Variants in CANT1 observed in about 807,000 individuals in gnomAD.
The protein encoded by CANT1 is soluble calcium-activated nucleotidase 1.
In CANT1, 26 loss-of-function variants were observed where a neutral mutation model predicts 30.0. The observed-to-expected ratio is 0.87, with a 90% CI of 0.64 to 1.20. The LOEUF (loss-of-function observed/expected upper bound fraction) is 1.20. Among genes scored for constraint, CANT1 ranks in the 50% most tolerant of loss-of-function variants. The pLI is 0.00. For missense variants in CANT1, 518 were observed against 563.0 expected, an observed-to-expected ratio of 0.92 and a Z score of 0.81; for synonymous variants, 246 against 251.8, an observed-to-expected ratio of 0.98 and a Z score of 0.22.
In CANT1 at chr17:78,996,847, G is replaced by T; in HGVS notation, c.631+145C>A. 1 of 1,156,574 alleles carries T rather than the reference G, an allele frequency of 8.6e-7. No individual in the cohort carries two copies. Among genetic ancestry groups the T allele is most frequent in the Non-Finnish European group, 1.3e-6 (1 of 777,830 alleles). The allele number at this position is 1,156,574 out of a possible 1,614,324, so 71.6% of individuals were successfully genotyped here. ...CTGGCTAAGGGTAAGGGGGCCGCAG[G>T]TCAGAGCAAGAGGGAGACGTGCTCC... is the stretch of plus-strand genomic sequence containing the variant. On this transcript the variant is annotated intron_variant, in intron 3 of 4. Transcript: ENST00000392446. This position sits in a 1 kb window ranked among gnomAD's most constrained non-coding sequence, Gnocchi z 5.1.
chr17:79,008,603 G>T lies in CANT1; in HGVS notation c.-147+1061C>A, dbSNP rs1253319962. ...ACACTAAGAGACGGCTTTTCCAGGG[G>T]TCACTAAGGGGGAAAGGTGTTTGGG... On this transcript the variant is annotated intron_variant, in intron 1 of 4. Coordinates refer to ENST00000392446, the MANE Select transcript of CANT1 (RefSeq NM_001159773.2). The surrounding 1 kb of genome is among the most constrained non-coding windows in gnomAD (Gnocchi z 4.4). Among the ~76,000 whole-genome samples the T allele has an allele frequency of 2.0e-5, 3 of 152,214 alleles. No homozygotes were observed. The highest frequency in any genetic ancestry group is 2.1e-4 in the South Asian group (1 of 4,834).
rs544902800 is a variant in CANT1 at position 78,993,611 on chromosome 17, C to T, written c.1145G>A (p.Arg382His). ...GATCTTGGTCTCCGGCAACAGGAAGCGCCCGTCCAGCGTGAAGGCCATGAT... is the reference window on the plus strand; with the variant it reads ...GATCTTGGTCTCCGGCAACAGGAAGTGCCCGTCCAGCGTGAAGGCCATGAT... ...SYIMAFTLDG[R>H]FLLPETKIGS... Residue 382 changes from arginine to histidine, a missense_variant, in exon 5 of 5, where the codon CGC becomes CAC. Around this residue, in one of 3 missense-constraint regions of CANT1, gnomAD observed 221 missense variants for 211.8 expected, o/e 1.04. Coordinates refer to ENST00000392446, the MANE Select transcript of CANT1 (RefSeq NM_001159773.2). The surrounding 1 kb of genome is among the most constrained non-coding windows in gnomAD (Gnocchi z 4.5). The T allele has an allele frequency of 6.2e-7, 1 of 1,614,270 alleles. No individual in the cohort carries two copies. The highest frequency in any genetic ancestry group is 8.5e-7 in the Non-Finnish European group (1 of 1,180,054).
rs569618546 is a variant in CANT1 at position 78,998,755 on chromosome 17, G to A, written c.-146-792C>T. ...AGTGGGGCGTGGGGAGACAGCTCCCGGTGCTTCGATCGAGAACACTGGCCC... is the reference window on the plus strand; with the variant it reads ...AGTGGGGCGTGGGGAGACAGCTCCCAGTGCTTCGATCGAGAACACTGGCCC... On this transcript the variant is annotated intron_variant, in intron 1 of 4. Coordinates refer to ENST00000392446, the MANE Select transcript of CANT1 (RefSeq NM_001159773.2). The surrounding 1 kb of genome is among the most constrained non-coding windows in gnomAD (Gnocchi z 4.5). Among the ~76,000 whole-genome samples the A allele has an allele frequency of 2.3e-4, 35 of 152,360 alleles. No homozygotes were observed. The South Asian group carries it at 3.5e-3, about 15-fold the overall frequency.
intron 1 of CANT1, among the ~76,000 whole-genome samples, chr17:78,999,632 C>T (rs964359772): frequency 7.3e-5 from 11 of 150,002 alleles, no homozygotes; most frequent in Middle Eastern, 3.5e-3. Context: ...TGTGCCACCA[C>T]GCACAGCGAA....
chr17:78,993,886 G>A lies in CANT1; in HGVS notation c.870C>T (p.Asp290=), dbSNP rs2145835088. 2.5e-6 allele frequency: 4 copies of A among 1,593,402 alleles called. No individual in the cohort carries two copies. ...GCAGGAAGAACCAGCGCTGCAGCGT[G>A]TCACTCCAGCAGGCAGACTCATGGA... is the stretch of plus-strand genomic sequence containing the variant. The part of the protein sequence containing the change: ...YLIHESACWS[D]TLQRWFFLPR... The change falls in exon 5 of 5, where the codon GAC becomes GAT. Residue 290 remains aspartate, a synonymous_variant. Coordinates refer to ENST00000392446, the MANE Select transcript of CANT1 (RefSeq NM_001159773.2). The surrounding 1 kb of genome is among the most constrained non-coding windows in gnomAD (Gnocchi z 4.5).
chr17:79,009,171 G>A (rs1042052679), intron 1 of CANT1, among the ~76,000 whole-genome samples: 2 of 151,642 alleles, frequency 1.3e-5, no homozygotes, highest in African/African-American at 2.4e-5. Flanking sequence ...TGAATCAGAG[G>A]GGGGTGGTCC....
chr17:79,009,172 G>C (rs907025662), intron 1 of CANT1, among the ~76,000 whole-genome samples: 1 of 151,636 alleles, frequency 6.6e-6, no homozygotes, highest in Non-Finnish European at 1.5e-5. Flanking sequence ...GAATCAGAGG[G>C]GGGTGGTCCC....
At chr17:79,003,470 C>T (rs1241943343) in intron 1 of CANT1, among the ~76,000 whole-genome samples, 1 of 151,280 alleles carries the variant, frequency 6.6e-6, no homozygotes, top group African/African-American at 2.4e-5. Flanking sequence ...TGGGGGGGCT[C>T]TTTTGTTTGT....
chr17:78,992,138 T>C lies in CANT1; in HGVS notation c.*1412A>G, dbSNP rs190318927. 6.5e-4 allele frequency: 151 copies of C among 231,616 alleles called. No individual in the cohort carries two copies. Among genetic ancestry groups the C allele is most frequent in the African/African-American group, 2.3e-3 (104 of 45,350 alleles). The allele number at this position is 231,616 out of a possible 1,614,324, so 14.3% of individuals were successfully genotyped here. A position where few individuals can be genotyped will look rare whatever the true frequency, so the allele number is the denominator to read the frequency against. On this transcript the variant is annotated 3_prime_UTR_variant, in exon 5 of 5. Coordinates refer to ENST00000392446, the MANE Select transcript of CANT1 (RefSeq NM_001159773.2). ...CGTTCACTTCCTTCGCTTCCTCCACTACCTATGACATAGCGGGGGAAAGAG... is the reference window on the plus strand; with the variant it reads ...CGTTCACTTCCTTCGCTTCCTCCACCACCTATGACATAGCGGGGGAAAGAG...
In CANT1 at chr17:78,995,006, G is replaced by C. The variant is rs900373558; in HGVS notation, c.835+12C>G. On this transcript the variant is annotated intron_variant, in intron 4 of 4. Coordinates refer to ENST00000392446, the MANE Select transcript of CANT1 (RefSeq NM_001159773.2). The surrounding 1 kb of genome is among the most constrained non-coding windows in gnomAD (Gnocchi z 5.7). ...GGAAGCCACACTGTGGGCTGGGGCA[G>C]GCGTCTCTTACCTGGCGGCTGGATG... The C allele has an allele frequency of 3.2e-6, 5 of 1,555,998 alleles. No individual in the cohort carries two copies. The highest frequency in any genetic ancestry group is 4.3e-6 in the Non-Finnish European group (5 of 1,151,600).
chr17:78,993,577 C>T lies in CANT1; in HGVS notation c.1179G>A (p.Val393=). 1 of 1,614,240 alleles carries T rather than the reference C, an allele frequency of 6.2e-7. No individual in the cohort carries two copies. Among genetic ancestry groups the T allele is most frequent in the Non-Finnish European group, 8.5e-7 (1 of 1,180,040 alleles). ...AAATGAACTCGATGCCTTCGTATTT[C>T]ACGCTTCCGATCTTGGTCTCCGGCA... ...FLLPETKIGS[V]KYEGIEFI is the part of the protein sequence containing the mutation. The change falls in exon 5 of 5, where the codon GTG becomes GTA. Residue 393 remains valine (V), a synonymous_variant. Coordinates refer to ENST00000392446, the MANE Select transcript of CANT1 (RefSeq NM_001159773.2). This position sits in a 1 kb window ranked among gnomAD's most constrained non-coding sequence, Gnocchi z 4.5.
At chr17:78,999,297 T>C (rs2071157092) in intron 1 of CANT1, among the ~76,000 whole-genome samples, 1 of 152,116 alleles carries the variant, frequency 6.6e-6, no homozygotes. Context: ...CCTGAGGTGG[T>C]CACAGGGCTG....
At chr17:79,003,868 C>T (rs1266826398) in intron 1 of CANT1, among the ~76,000 whole-genome samples, 1 of 147,122 alleles carries the variant, frequency 6.8e-6, no homozygotes, top group Non-Finnish European at 1.5e-5. Flanking sequence ...CAAGGCACCA[C>T]GGAGGCATCT....
At chr17:78,999,332 G>C (rs2071158561) in intron 1 of CANT1, among the ~76,000 whole-genome samples, 1 of 152,182 alleles carries the variant, frequency 6.6e-6, no homozygotes, top group Non-Finnish European at 1.5e-5. Flanking sequence ...CCCGGCAGCA[G>C]GGCTGGGGTT....
At chr17:79,007,220 A>G (rs901255652) in intron 1 of CANT1, among the ~76,000 whole-genome samples, 2 of 152,230 alleles carry the variant, frequency 1.3e-5, no homozygotes, top group Admixed American at 1.3e-4. Flanking sequence ...AACCATCTTG[A>G]TTAAAGTAAA....
At position 78,997,599 on chromosome 17, in the gene CANT1, G is replaced by T; in HGVS notation, c.24C>A (p.His8Gln). 1 of 1,566,632 alleles carries T rather than the reference G, an allele frequency of 6.4e-7. No homozygotes were observed. Among genetic ancestry groups the T allele is most frequent in the Non-Finnish European group, 8.7e-7 (1 of 1,155,398 alleles). Residue 8 changes from histidine to glutamine, a missense_variant, in exon 3 of 5, where the codon CAC becomes CAA. Coordinates refer to ENST00000392446, the MANE Select transcript of CANT1 (RefSeq NM_001159773.2). This position sits in a 1 kb window ranked among gnomAD's most constrained non-coding sequence, Gnocchi z 7.5. ...AGTGCATAGACTCATTCCATTCCGG[G>T]TGCTCAGACAGCTGCACGGGCATCA... MPVQLSE[H>Q]PEWNESMHSL... is the part of the protein sequence containing the mutation.
At chr17:79,009,172 G>T (rs907025662) in intron 1 of CANT1, among the ~76,000 whole-genome samples, 2 of 151,754 alleles carry the variant, frequency 1.3e-5, no homozygotes, top group South Asian at 4.2e-4. Context: ...GAATCAGAGG[G>T]GGGTGGTCCC....
intron 1 of CANT1, chr17:79,000,411 C>G (rs1426997868): frequency 6.5e-6 from 1 of 152,942 alleles, no homozygotes; most frequent in Non-Finnish European, 1.5e-5. Flanking sequence ...CTCACCATGC[C>G]ATGCCGGCTG....
chr17:78,997,708 C>T lies in CANT1; in HGVS notation c.-22-64G>A, dbSNP rs557541183. ...CGCAAGCCCAGTCACATCTTAGTTC[C>T]GGAAGCTGCAGGCGCTGGAGGCTGA... On this transcript the variant is annotated intron_variant, in intron 2 of 4. Transcript: ENST00000392446. This position sits in a 1 kb window ranked among gnomAD's most constrained non-coding sequence, Gnocchi z 7.5. 507 of 1,418,280 alleles carry T rather than the reference C, an allele frequency of 3.6e-4. 1 individual carries two copies. The African/African-American group carries it at 6.4e-3, about 18-fold the overall frequency. 87.9% of individuals were successfully genotyped at this position (1,418,280 alleles called of 1,614,324 possible).
Sources: gnomAD v4.1 joint callset for allele counts (sites outside exome capture counted in the v4.1 genomes callset) on GRCh38, gnomAD v4.1.1 for gene constraint, gnomAD v4.1.1 regional missense constraint, Gnocchi (gnomAD v3.1) non-coding constraint, MANE v1.5 for transcripts, NCBI Gene and HGNC (gene_info 2026-07-23, HGNC 2026-07-21) for gene names.